Variants in ECT2 observed in about 807,000 individuals in gnomAD.
The protein encoded by ECT2 is epithelial cell transforming 2.
Under a neutral mutation model 116.9 loss-of-function variants are expected in ECT2, and 61 were observed. The ratio of observed to expected loss-of-function variants is 0.52; its 90% CI spans 0.42 to 0.65. The LOEUF (loss-of-function observed/expected upper bound fraction) is 0.65, where lower values mean the gene tolerates loss of function less well. Among genes scored for constraint, ECT2 ranks in the 30% least tolerant of loss-of-function variants. The pLI is 0.00. For missense variants in ECT2, 937 were observed against 1,078.7 expected (o/e 0.87, Z 1.84); for synonymous variants, 358 against 346.4 (o/e 1.03, Z -0.37).
intron 7 of ECT2, among the ~76,000 whole-genome samples, chr3:172,760,633 T>A (rs574414031): frequency 6.6e-6 from 1 of 151,450 alleles, no homozygotes; most frequent in African/African-American, 2.4e-5. Context: ...TGTTGAAAGA[T>A]GACTAGGATC....
chr3:172,762,964 T>C lies in ECT2; in HGVS notation c.1060T>C (p.Tyr354His). Reference protein sequence around the residue: ...DARAGETMYLYEKANTPELKK... With the variant: ...DARAGETMYLHEKANTPELKK... The stretch of plus-strand genomic sequence containing the variant: ...CCGAGCTGGAGAAACTATGTATTTA[T>C]ATGAAAAGGTATGCTTTTAACCCCT... Residue 354 changes from tyrosine to histidine, a missense_variant, in exon 11 of 25, where the codon TAT (tyrosine) becomes CAT (histidine). Coordinates refer to ENST00000392692, the MANE Select transcript of ECT2 (RefSeq NM_001258315.2). 1 of 1,613,828 alleles carries C rather than the reference T, an allele frequency of 6.2e-7. No homozygotes were observed. Among genetic ancestry groups the C allele is most frequent in the Admixed American group, 1.7e-5 (1 of 60,008 alleles).
chr3:172,816,659 C>G, intron 23 of ECT2, 32 bp from the exon 24 acceptor site: 1 of 1,543,764 alleles, frequency 6.5e-7, no homozygotes, highest in Non-Finnish European at 8.8e-7. Flanking sequence ...TTGAATTTGT[C>G]TAGGTTTAAC....
In ECT2 at chr3:172,782,242, T is replaced by C; in HGVS notation, c.1617+11T>C. The C allele has an allele frequency of 2.0e-6, 3 of 1,487,642 alleles. No homozygotes were observed. The highest frequency in any genetic ancestry group is 2.9e-5 in the African/African-American group (2 of 69,276). The allele number at this position is 1,487,642 out of a possible 1,614,324, so 92.2% of individuals were successfully genotyped here. ...ATTTTTCTGAAATATGTAAGTATTG[T>C]ATTTCTTTTTTAAGTTTTCAGATTA... is the stretch of plus-strand genomic sequence containing the variant. On this transcript the variant is annotated intron_variant, in intron 15 of 24. Transcript: ENST00000392692.
intron 18 of ECT2, among the ~76,000 whole-genome samples, chr3:172,802,230 T>A (rs1337823018): frequency 2.0e-5 from 3 of 152,096 alleles, no homozygotes; most frequent in Non-Finnish European, 4.4e-5. Context: ...TTCTCCTGCC[T>A]CAGCCGCCGA....
At chr3:172,829,123 C>T in the ECT2 span, 1 of 673,922 alleles carries the variant, frequency 1.5e-6, no homozygotes. Context: ...ACACCTGGTG[C>T]AACAGTGGAT....
At position 172,820,173 on chromosome 3, in the gene ECT2, G is replaced by T; in HGVS notation, c.2681G>T (p.Ser894Ile). Reference sequence around the variant, plus strand: ...GGTATCCCTTCTCCCTCCCTTGTCAGCCTTCCTTCCTTCTTTGAAAGGAGA... The same window carrying T: ...GGTATCCCTTCTCCCTCCCTTGTCATCCTTCCTTCCTTCTTTGAAAGGAGA... Reference protein sequence around the residue: ...LAGIPSPSLVSLPSFFERRSH... With the variant: ...LAGIPSPSLVILPSFFERRSH... The change falls in exon 25 of 25, where the codon AGC becomes ATC. Residue 894 changes from serine (S) to isoleucine (I), a missense_variant. Transcript: ENST00000392692. The T allele has an allele frequency of 1.2e-6, 2 of 1,610,064 alleles. No individual in the cohort carries two copies. Among genetic ancestry groups the T allele is most frequent in the South Asian group, 2.2e-5 (2 of 90,646 alleles).
chr3:172,762,417 G>T lies in ECT2; in HGVS notation c.760G>T (p.Asp254Tyr). Residue 254 changes from aspartate to tyrosine, a missense_variant and splice_region_variant, in exon 9 of 25, where the codon GAT (aspartate) becomes TAT (tyrosine). Physicochemically the swap from Asp to Tyr is radical, Grantham distance 160. Coordinates refer to ENST00000392692, the MANE Select transcript of ECT2 (RefSeq NM_001258315.2). ...TGGAAGAGTGTATTTTGTTTTTAGG[G>T]ATTTCTATGCAGCAGTTGATGACTT... ...YKAWERRNEQ[D>Y]FYAAVDDFRN... is the part of the protein sequence containing the mutation. The T allele has an allele frequency of 6.3e-7, 1 of 1,592,244 alleles. No individual in the cohort carries two copies. The highest frequency in any genetic ancestry group is 8.5e-7 in the Non-Finnish European group (1 of 1,174,902).
Position 172,784,803 on chromosome 3 carries a change from G to T in ECT2, c.1825G>T (p.Asp609Tyr). The change falls in exon 17 of 25, where the codon GAT (aspartate) becomes TAT (tyrosine). Residue 609 changes from aspartate to tyrosine, a missense_variant and splice_region_variant. By Grantham distance (160) the Asp-to-Tyr change is radical (BLOSUM62 -3). Coordinates refer to ENST00000392692, the MANE Select transcript of ECT2 (RefSeq NM_001258315.2). ...ACCCAGTGTTGCATTACTTTTAAATGGTACTTGTCTGATCTGTTTCAAACT... is the reference window on the plus strand; with the variant it reads ...ACCCAGTGTTGCATTACTTTTAAATTGTACTTGTCTGATCTGTTTCAAACT... ...RLPSVALLLN[D>Y]LKKHTADENP... 1 of 1,570,806 alleles carries T rather than the reference G, an allele frequency of 6.4e-7. No homozygotes were observed. The highest frequency in any genetic ancestry group is 8.7e-7 in the Non-Finnish European group (1 of 1,144,762).
intron 18 of ECT2, among the ~76,000 whole-genome samples, chr3:172,793,432 C>A (rs577150462): frequency 6.6e-6 from 1 of 151,830 alleles, no homozygotes; most frequent in South Asian, 2.1e-4. Context: ...GGATTACAGG[C>A]GTGAGCCCCC....
At position 172,807,769 on chromosome 3, in the gene ECT2, GATTGCC is replaced by G; in HGVS notation, c.2248_2253del (p.Cys750_His751del). ...TGTTTATGGTTATTCTGGAACCCTA[GATTGCC>G]ATAATGCTTTTGCCTTGCTTGTGAG... On this transcript the variant is annotated inframe_deletion and splice_region_variant, in exon 22 of 25. Coordinates refer to ENST00000392692, the MANE Select transcript of ECT2 (RefSeq NM_001258315.2). The G allele has an allele frequency of 6.2e-7, 1 of 1,610,398 alleles. No individual in the cohort carries two copies. Among genetic ancestry groups the G allele is most frequent in the Non-Finnish European group, 8.5e-7 (1 of 1,178,038 alleles).
chr3:172,793,683 C>T (rs1329893076), intron 18 of ECT2, among the ~76,000 whole-genome samples: 2 of 152,018 alleles, frequency 1.3e-5, no homozygotes, highest in Non-Finnish European at 2.9e-5. Flanking sequence ...AGTCTGGTCT[C>T]GATCTCCTGA....
At chr3:172,804,259 T>C (rs1727271722) in intron 20 of ECT2, among the ~76,000 whole-genome samples, 2 of 152,180 alleles carry the variant, frequency 1.3e-5, no homozygotes. Flanking sequence ...CAGTTACAGG[T>C]ATAATAAAAT....
intron 5 of ECT2, among the ~76,000 whole-genome samples, chr3:172,757,712 G>C (rs1717318416): frequency 6.6e-6 from 1 of 152,102 alleles, no homozygotes; most frequent in Admixed American, 6.6e-5. Flanking sequence ...ACTGCGCCTG[G>C]CGTATACACT....
At chr3:172,782,562 G>A (rs931106367) in intron 15 of ECT2, among the ~76,000 whole-genome samples, 1 of 152,048 alleles carries the variant, frequency 6.6e-6, no homozygotes, top group Non-Finnish European at 1.5e-5. Context: ...TTAAGTTCAG[G>A]AGTACATGTA....
At chr3:172,779,901 A>G (rs1722390702) in intron 14 of ECT2, among the ~76,000 whole-genome samples, 1 of 152,010 alleles carries the variant, frequency 6.6e-6, no homozygotes, top group Non-Finnish European at 1.5e-5. Flanking sequence ...GTCTCAAAAA[A>G]AAAAAAAAGA....
rs530751646 is a variant in ECT2 at position 172,767,064 on chromosome 3, A to G, written c.1292-1943A>G. 2.6e-5 allele frequency among the ~76,000 whole-genome samples: 4 copies of G among 152,334 alleles called. No homozygotes were observed. In the South Asian group the frequency reaches 8.3e-4, roughly 32 times the overall value. Reference sequence around the variant, plus strand: ...TTTTCCCACTGAAGTATATTCTGTAATGGCAGAGGCTTCTGGGTCTGGTGA... The same window carrying G: ...TTTTCCCACTGAAGTATATTCTGTAGTGGCAGAGGCTTCTGGGTCTGGTGA... On this transcript the variant is annotated intron_variant, in intron 12 of 24. Transcript: ENST00000392692.
At chr3:172,819,869 G>T (rs192165943) in intron 24 of ECT2, among the ~76,000 whole-genome samples, 229 of 152,130 alleles carry the variant, frequency 1.5e-3, no homozygotes, top group African/African-American at 5.3e-3. Flanking sequence ...ACAAAGTTAG[G>T]TATCACTACT....
chr3:172,820,282 T>A lies in ECT2; in HGVS notation c.*45T>A. ...ATTATAGAAATGTATAGACACCTCA[T>A]ACTCAAATAAGAAACTGACTTAAAT... On this transcript the variant is annotated 3_prime_UTR_variant, in exon 25 of 25. Coordinates refer to ENST00000392692, the MANE Select transcript of ECT2 (RefSeq NM_001258315.2). 1 of 1,386,150 alleles carries A rather than the reference T, an allele frequency of 7.2e-7. No individual in the cohort carries two copies. The highest frequency in any genetic ancestry group is 9.9e-7 in the Non-Finnish European group (1 of 1,006,726). The allele number at this position is 1,386,150 out of a possible 1,614,324, so 85.9% of individuals were successfully genotyped here. A position where few individuals can be genotyped will look rare whatever the true frequency, so the allele number is the denominator to read the frequency against.
At chr3:172,814,532 A>G (rs1470491097) in intron 22 of ECT2, among the ~76,000 whole-genome samples, 1 of 152,174 alleles carries the variant, frequency 6.6e-6, no homozygotes, top group East Asian at 1.9e-4. Context: ...ACTATACAAA[A>G]TCATTTTGTC....
Sources: gnomAD v4.1 joint callset for allele counts (sites outside exome capture counted in the v4.1 genomes callset) on GRCh38, gnomAD v4.1.1 for gene constraint, MANE v1.5 for transcripts, NCBI Gene and HGNC (gene_info 2026-07-23, HGNC 2026-07-21) for gene names.